HNRNPAB: variants seen among roughly 807,000 people sequenced by gnomAD.
HNRNPAB encodes ABBP-1.
Under a neutral mutation model 44.1 loss-of-function variants are expected in HNRNPAB, and 17 were observed. That is an observed-to-expected ratio of 0.39 (90% CI 0.26 to 0.58). The LOEUF is 0.58. Among genes scored for constraint, HNRNPAB ranks in the 20% least tolerant of loss-of-function variants. The pLI is 0.63. For missense variants in HNRNPAB, 393 were observed against 432.7 expected (o/e 0.91, Z 0.81); for synonymous variants, 183 against 167.6 (o/e 1.09, Z -0.71).
In HNRNPAB at chr5:178,210,864, T is replaced by A; in HGVS notation, c.*241T>A. The A allele has an allele frequency of 1.8e-6, 1 of 552,604 alleles. No homozygotes were observed. The highest frequency in any genetic ancestry group is 2.1e-5 in the South Asian group (1 of 46,574). The allele number at this position is 552,604 out of a possible 1,614,324, so 34.2% of individuals were successfully genotyped here. On this transcript the variant is annotated 3_prime_UTR_variant, in exon 8 of 8. Transcript: ENST00000358344. ...TCATGGGCTGATTTTTATTACCAGG[T>A]CCCCCAGAAGCAGGTGGGAGGCTCT...
chr5:178,208,615 G>A (rs1340585905), intron 5 of HNRNPAB: 2 of 152,238 alleles, frequency 1.3e-5, no homozygotes, highest in African/African-American at 2.4e-5. Context: ...TAATGGGTGT[G>A]CATGTCAGGA....
chr5:178,206,908 A>T lies in HNRNPAB; in HGVS notation c.537+18A>T. ...TTGGGGAGGTGAGTGTGGCTCTGGG[A>T]ATAGCCCATCAGCTGCCCCTAAGGC... On this transcript the variant is annotated intron_variant, in intron 4 of 7. Transcript: ENST00000358344. 6.2e-7 allele frequency: 1 copy of T among 1,613,612 alleles called. No individual in the cohort carries two copies. The highest frequency in any genetic ancestry group is 1.1e-5 in the South Asian group (1 of 91,038).
Position 178,206,885 on chromosome 5 carries a change from G to C in HNRNPAB, c.532G>C (p.Gly178Arg). 1 of 1,614,142 alleles carries C rather than the reference G, an allele frequency of 6.2e-7. No homozygotes were observed. The highest frequency in any genetic ancestry group is 8.5e-7 in the Non-Finnish European group (1 of 1,180,016). The part of the protein sequence containing the change: ...EKIREYFGEF[G>R]EIEAIELPMD... ...GATCAGGGAGTACTTTGGCGAGTTTGGGGAGGTGAGTGTGGCTCTGGGAAT... is the reference window on the plus strand; with the variant it reads ...GATCAGGGAGTACTTTGGCGAGTTTCGGGAGGTGAGTGTGGCTCTGGGAAT... The change falls in exon 4 of 8, where the codon GGG becomes CGG. Residue 178 changes from glycine to arginine, a missense_variant. Physicochemically the swap from Gly to Arg is moderately radical, Grantham distance 125. Coordinates refer to ENST00000358344, the MANE Select transcript of HNRNPAB (RefSeq NM_031266.3).
Position 178,204,841 on chromosome 5 carries a change from T to G in HNRNPAB, c.4T>G (p.Ser2Ala). The G allele has an allele frequency of 8.2e-7, 1 of 1,217,412 alleles. No individual in the cohort carries two copies. The highest frequency in any genetic ancestry group is 1.0e-6 in the Non-Finnish European group (1 of 979,254). The allele number at this position is 1,217,412 out of a possible 1,614,324, so 75.4% of individuals were successfully genotyped here. The change falls in exon 2 of 8, where the codon TCG becomes GCG. Residue 2 changes from serine (S) to alanine (A), a missense_variant. Ser to Ala is a moderately conservative substitution (Grantham distance 99). Around this residue, in one of 3 missense-constraint regions of HNRNPAB, gnomAD observed 81 missense variants for 73.4 expected, o/e 1.10. Transcript: ENST00000358344. The part of the protein sequence containing the change: M[S>A]EAGEEQPMET... ...AGCCGCCGCGCCTCGGCCTAGCATG[T>G]CGGAAGCGGGCGAGGAGCAGCCCAT... is the stretch of plus-strand genomic sequence containing the variant.
In HNRNPAB at chr5:178,204,734, C is replaced by G. The variant is rs1215885407; in HGVS notation, c.-30C>G. 1 of 654,820 alleles carries G rather than the reference C, an allele frequency of 1.5e-6. No individual in the cohort carries two copies. Among genetic ancestry groups the G allele is most frequent in the Non-Finnish European group, 2.1e-6 (1 of 477,514 alleles). The allele number at this position is 654,820 out of a possible 1,614,324, so 40.6% of individuals were successfully genotyped here. On this transcript the variant is annotated 5_prime_UTR_variant, in exon 1 of 8. Coordinates refer to ENST00000358344, the MANE Select transcript of HNRNPAB (RefSeq NM_031266.3). ...CGAGCGGGCCCCGCGGCGTCATCGG[C>G]GGCGAGGTGAGCGGCGGCCGGCGGG...
chr5:178,210,952 C>T lies in HNRNPAB; in HGVS notation c.*329C>T, dbSNP rs191173707. The T allele has an allele frequency of 2.5e-5, 8 of 319,914 alleles. No individual in the cohort carries two copies. The highest frequency in any genetic ancestry group is 9.2e-5 in the Admixed American group (2 of 21,778). The allele number at this position is 319,914 out of a possible 1,614,324, so 19.8% of individuals were successfully genotyped here. A position where few individuals can be genotyped will look rare whatever the true frequency, so the allele number is the denominator to read the frequency against. On this transcript the variant is annotated 3_prime_UTR_variant, in exon 8 of 8. Coordinates refer to ENST00000358344, the MANE Select transcript of HNRNPAB (RefSeq NM_031266.3). Reference sequence around the variant, plus strand: ...CCTGGTTGTAAAGAGTAAATTGTATCTTAGGAAACCAGTGTCACCTTTTTT... The same window carrying T: ...CCTGGTTGTAAAGAGTAAATTGTATTTTAGGAAACCAGTGTCACCTTTTTT...
At chr5:178,209,539 C>A in intron 6 of HNRNPAB, 92 bp downstream of exon 6, 1 of 1,068,494 alleles carries the variant, frequency 9.4e-7, no homozygotes, top group Non-Finnish European at 1.4e-6. Context: ...TGCTGTGCAG[C>A]AGGGGTGGGC....
rs199969475 is a variant in HNRNPAB at position 178,210,657 on chromosome 5, A to G, written c.*34A>G. On this transcript the variant is annotated 3_prime_UTR_variant, in exon 8 of 8. Coordinates refer to ENST00000358344, the MANE Select transcript of HNRNPAB (RefSeq NM_031266.3). ...CAGGAGCGACCAACTGATCGCACAC[A>G]TGCTTTGTTTGGATATGGAGTGAAC... The G allele has an allele frequency of 8.6e-5, 133 of 1,547,308 alleles. 1 individual carries two copies. The East Asian group carries it at 1.9e-3, about 22-fold the overall frequency.
At chr5:178,206,088 C>G (rs1164929172) in intron 3 of HNRNPAB, 78 bp downstream of exon 3, 2 of 1,390,656 alleles carry the variant, frequency 1.4e-6, no homozygotes, top group East Asian at 2.3e-5. Context: ...TAAAGCATGA[C>G]TAGTTTGTGT....
At position 178,204,907 on chromosome 5, in the gene HNRNPAB, C is replaced by G; in HGVS notation, c.70C>G (p.Pro24Ala). Residue 24 changes from proline (P) to alanine (A), a missense_variant, in exon 2 of 8, where the codon CCC becomes GCC. By Grantham distance (27) the Pro-to-Ala change is conservative. Coordinates refer to ENST00000358344, the MANE Select transcript of HNRNPAB (RefSeq NM_031266.3). ...GATENGHEAVPEGESPAGAGT... is the reference protein window; with the variant it reads ...GATENGHEAVAEGESPAGAGT... The stretch of plus-strand genomic sequence containing the variant: ...CACCGAGAACGGACATGAGGCCGTC[C>G]CCGAAGGCGAGTCGCCGGCCGGGGC... 8.3e-7 allele frequency: 1 copy of G among 1,211,266 alleles called. No homozygotes were observed. Among genetic ancestry groups the G allele is most frequent in the African/African-American group, 1.6e-5 (1 of 63,492 alleles). The allele number at this position is 1,211,266 out of a possible 1,614,324, so 75.0% of individuals were successfully genotyped here. A position where few individuals can be genotyped will look rare whatever the true frequency, so the allele number is the denominator to read the frequency against.
intron 2 of HNRNPAB, 176 bp from the exon 3 acceptor site, chr5:178,205,666 G>A: frequency 3.3e-6 from 2 of 609,458 alleles, no homozygotes; most frequent in Non-Finnish European, 5.8e-6. Context: ...GCCTCGTTAG[G>A]GTCCTGGTTG....
rs776804970 is a variant in HNRNPAB, at chr5:178,207,088, T to C, written c.538-6T>C. The C allele has an allele frequency of 1.9e-6, 3 of 1,614,056 alleles. No homozygotes were observed. Among genetic ancestry groups the C allele is most frequent in the Admixed American group, 3.3e-5 (2 of 60,008 alleles). ...TTGGGCCTGAGTTTGCCTATGCTTT[T>C]TGCAGATTGAGGCCATTGAATTGCC... is the stretch of plus-strand genomic sequence containing the variant. On this transcript the variant is annotated splice_region_variant and splice_polypyrimidine_tract_variant and intron_variant, in intron 4 of 7. Transcript: ENST00000358344.
At chr5:178,206,037 T>A in intron 3 of HNRNPAB, 27 bp downstream of exon 3, 1 of 1,594,938 alleles carries the variant, frequency 6.3e-7, no homozygotes, top group Non-Finnish European at 8.6e-7. Context: ...ATTTCAGCAG[T>A]CTCAGTGGAA....
In HNRNPAB at chr5:178,206,595, G is replaced by T. The variant is rs1219176615; in HGVS notation, c.379-137G>T. 4.9e-6 allele frequency: 4 copies of T among 820,464 alleles called. No individual in the cohort carries two copies. The Admixed American group carries it at 9.1e-5, about 19-fold the overall frequency. The allele number at this position is 820,464 out of a possible 1,614,324, so 50.8% of individuals were successfully genotyped here. On this transcript the variant is annotated intron_variant, in intron 3 of 7. Coordinates refer to ENST00000358344, the MANE Select transcript of HNRNPAB (RefSeq NM_031266.3). ...CTTGAGGTTTGATGAAAATTGGGTTGGGAGGTTAAGCTGGGGTAGAATTTG... is the reference window on the plus strand; with the variant it reads ...CTTGAGGTTTGATGAAAATTGGGTTTGGAGGTTAAGCTGGGGTAGAATTTG...
At chr5:178,206,654 G>C (rs1184582738) in intron 3 of HNRNPAB, 78 bp from the exon 4 acceptor site, 1 of 1,387,776 alleles carries the variant, frequency 7.2e-7, no homozygotes, top group Non-Finnish European at 1.0e-6. Context: ...ATCTGTACTG[G>C]TGTCTTTATG....
chr5:178,205,576 A>AT, intron 2 of HNRNPAB: 1 of 371,624 alleles, frequency 2.7e-6, no homozygotes, highest in Admixed American at 3.9e-5. Context: ...ATTTCCAGTT[A>AT]TGAGTGGTTA....
At position 178,204,899 on chromosome 5, in the gene HNRNPAB, A is replaced by G. The variant is rs1756980947; in HGVS notation, c.62A>G (p.Glu21Gly). ...ETTGATENGH[E>G]AVPEGESPAG... Reference sequence around the variant, plus strand: ...ACGGGCGCCACCGAGAACGGACATGAGGCCGTCCCCGAAGGCGAGTCGCCG... The same window carrying G: ...ACGGGCGCCACCGAGAACGGACATGGGGCCGTCCCCGAAGGCGAGTCGCCG... The change falls in exon 2 of 8, where the codon GAG becomes GGG. Residue 21 changes from glutamate to glycine, a missense_variant. Physicochemically the swap from Glu to Gly is moderately conservative, Grantham distance 98. Around this residue, in one of 3 missense-constraint regions of HNRNPAB, gnomAD observed 81 missense variants for 73.4 expected, o/e 1.10. Transcript: ENST00000358344. 14 of 1,211,150 alleles carry G rather than the reference A, an allele frequency of 1.2e-5. No homozygotes were observed. The highest frequency in any genetic ancestry group is 1.3e-5 in the Non-Finnish European group (13 of 974,648). The allele number at this position is 1,211,150 out of a possible 1,614,324, so 75.0% of individuals were successfully genotyped here. A position where few individuals can be genotyped will look rare whatever the true frequency, so the allele number is the denominator to read the frequency against.
chr5:178,210,508 C>CAAATGCTTGTA (rs1554104037), intron 7 of HNRNPAB, 45 bp from the exon 8 acceptor site: 1 of 1,583,210 alleles, frequency 6.3e-7, no homozygotes, highest in Non-Finnish European at 8.7e-7. Context: ...TGGCACAGGG[C>CAAATGCTTGTA]AAATGCTTGT....
At position 178,211,042 on chromosome 5, in the gene HNRNPAB, TA is replaced by T. The variant is rs1758174286; in HGVS notation, c.*420del. ...TGTAACGGAAGTGTTAATTTTACTG[TA>T]CTTTTTGGTACCTTTTGGGAATCTA... On this transcript the variant is annotated 3_prime_UTR_variant, in exon 8 of 8. Coordinates refer to ENST00000358344, the MANE Select transcript of HNRNPAB (RefSeq NM_031266.3). The T allele has an allele frequency of 5.1e-6, 1 of 194,412 alleles. No homozygotes were observed. The highest frequency in any genetic ancestry group is 2.4e-5 in the African/African-American group (1 of 42,218). The allele number at this position is 194,412 out of a possible 1,614,324, so 12.0% of individuals were successfully genotyped here. A position where few individuals can be genotyped will look rare whatever the true frequency, so the allele number is the denominator to read the frequency against.
Sources: gnomAD v4.1 joint callset for allele counts on GRCh38, gnomAD v4.1.1 for gene constraint, gnomAD v4.1.1 regional missense constraint, MANE v1.5 for transcripts, NCBI Gene and HGNC (gene_info 2026-07-23, HGNC 2026-07-21) for gene names.